Variants in CEP112 observed in about 807,000 individuals in gnomAD.
The protein encoded by CEP112 is centrosomal protein 112.
A neutral mutation model predicts 153.0 loss-of-function variants in CEP112; 127 were observed. The ratio of observed to expected loss-of-function variants is 0.83; its 90% CI spans 0.72 to 0.96. The LOEUF is 0.96. Ranked by LOEUF, CEP112 falls within the 40% of genes least tolerant of loss-of-function variation. The pLI is 0.00. For missense variants in CEP112, 1,089 were observed against 1,101.2 expected (o/e 0.99, Z 0.16); for synonymous variants, 358 against 374.4 (o/e 0.96, Z 0.51).
At chr17:65,937,595 C>T (rs1162606952) in intron 18 of CEP112, among the ~76,000 whole-genome samples, 1 of 109,102 alleles carries the variant, frequency 9.2e-6, no homozygotes, top group African/African-American at 3.1e-5. Flanking sequence ...ACCCGGCCAG[C>T]CGCCCCGTCC....
At chr17:66,142,033 A>G (rs2070722824) in intron 4 of CEP112, among the ~76,000 whole-genome samples, 1 of 152,208 alleles carries the variant, frequency 6.6e-6, no homozygotes, top group Admixed American at 6.5e-5. Flanking sequence ...CAAATCCTGG[A>G]CAACACTTGA....
At chr17:65,919,305 T>C (rs1275490348) in intron 19 of CEP112, among the ~76,000 whole-genome samples, 1 of 152,162 alleles carries the variant, frequency 6.6e-6, no homozygotes, top group East Asian at 1.9e-4. Flanking sequence ...AGGAAGCATG[T>C]ACGCAGCCTC....
At chr17:65,668,273 T>G (rs1366236276) in intron 24 of CEP112, among the ~76,000 whole-genome samples, 1 of 152,130 alleles carries the variant, frequency 6.6e-6, no homozygotes, top group Non-Finnish European at 1.5e-5. Context: ...GTTTATTTTG[T>G]TTTTGGCTTG....
At chr17:65,892,219 G>A (rs2059492961) in intron 20 of CEP112, among the ~76,000 whole-genome samples, 1 of 152,154 alleles carries the variant, frequency 6.6e-6, no homozygotes, top group African/African-American at 2.4e-5. Context: ...CCGGCACAGG[G>A]TAAGCACTCC....
intron 9 of CEP112, among the ~76,000 whole-genome samples, chr17:66,069,629 T>TA (rs2067240119): frequency 6.6e-6 from 1 of 152,010 alleles, no homozygotes; most frequent in Non-Finnish European, 1.5e-5. Flanking sequence ...AGAATGCAGA[T>TA]AAAAGACTAT....
intron 2 of CEP112, among the ~76,000 whole-genome samples, chr17:66,181,761 AC>A (rs1231349753): frequency 6.6e-6 from 1 of 152,222 alleles, no homozygotes; most frequent in East Asian, 1.9e-4. Flanking sequence ...CAAATCTAAG[AC>A]AAAAAGAAAA....
chr17:65,640,740 A>C (rs1437958822), intron 25 of CEP112, among the ~76,000 whole-genome samples: 1 of 152,162 alleles, frequency 6.6e-6, no homozygotes, highest in Non-Finnish European at 1.5e-5. Context: ...AACTGACTGA[A>C]CTTTTCAATT....
intron 20 of CEP112, among the ~76,000 whole-genome samples, chr17:65,856,106 T>C (rs1016616979): frequency 1.3e-5 from 2 of 152,076 alleles, no homozygotes; most frequent in African/African-American, 2.4e-5. Flanking sequence ...ATATACTTAA[T>C]ATACTGAAAA....
At chr17:65,697,944 C>T (rs540145335) in intron 23 of CEP112, among the ~76,000 whole-genome samples, 7 of 152,266 alleles carry the variant, frequency 4.6e-5, no homozygotes, top group South Asian at 2.1e-4. Flanking sequence ...GCATTCACAA[C>T]GCAACTGTAT....
At chr17:65,751,579 T>C (rs529797457) in intron 21 of CEP112, among the ~76,000 whole-genome samples, 1 of 152,316 alleles carries the variant, frequency 6.6e-6, no homozygotes, top group African/African-American at 2.4e-5. Flanking sequence ...TACGTCTGTT[T>C]CTCTCCCTGA....
chr17:65,980,271 A>T (rs1345796213), intron 17 of CEP112, among the ~76,000 whole-genome samples: 1 of 152,240 alleles, frequency 6.6e-6, no homozygotes, highest in Non-Finnish European at 1.5e-5. Flanking sequence ...TTGAGGATTC[A>T]GGCTTTAACA....
intron 21 of CEP112, among the ~76,000 whole-genome samples, chr17:65,787,142 G>A (rs1344514827): frequency 6.6e-6 from 1 of 152,156 alleles, no homozygotes; most frequent in Non-Finnish European, 1.5e-5. Context: ...GTGGTAGGAG[G>A]GAAATACTTT....
intron 23 of CEP112, among the ~76,000 whole-genome samples, chr17:65,703,643 A>G (rs1436676324): frequency 6.7e-6 from 1 of 149,208 alleles, no homozygotes; most frequent in African/African-American, 2.5e-5. Flanking sequence ...TTTGCCACCA[A>G]TGGGCCCAGC....
chr17:65,896,661 A>AT (rs1157833138), intron 20 of CEP112, among the ~76,000 whole-genome samples: 1 of 152,016 alleles, frequency 6.6e-6, no homozygotes, highest in East Asian at 1.9e-4. Flanking sequence ...TATGCTGAGA[A>AT]TTTTTGCCCC....
At chr17:65,977,812 C>T (rs1355419761) in intron 17 of CEP112, among the ~76,000 whole-genome samples, 1 of 152,158 alleles carries the variant, frequency 6.6e-6, no homozygotes, top group Non-Finnish European at 1.5e-5. Flanking sequence ...CGGTGGCTCA[C>T]ACCTGTAATC....
chr17:66,128,126 A>AC (rs1414612847), intron 6 of CEP112, among the ~76,000 whole-genome samples: 1 of 151,604 alleles, frequency 6.6e-6, no homozygotes, highest in African/African-American at 2.4e-5. Context: ...ACATGGTGAA[A>AC]CCCCCGTCTC....
At chr17:65,840,977 G>A (rs1221591574) in intron 21 of CEP112, among the ~76,000 whole-genome samples, 1 of 151,954 alleles carries the variant, frequency 6.6e-6, no homozygotes, top group African/African-American at 2.4e-5. Context: ...ACTTAAAACT[G>A]CTATTATCAA....
At chr17:66,008,176 T>C (rs2145476741) in intron 16 of CEP112, among the ~76,000 whole-genome samples, 1 of 152,304 alleles carries the variant, frequency 6.6e-6, no homozygotes, top group South Asian at 2.1e-4. Context: ...TGTGAAGTTT[T>C]GATATATGTA....
At chr17:65,934,934 C>T (rs1177075651) in intron 18 of CEP112, among the ~76,000 whole-genome samples, 1 of 152,136 alleles carries the variant, frequency 6.6e-6, no homozygotes, top group Non-Finnish European at 1.5e-5. Context: ...GGCAACAGGA[C>T]AGAGTGAGTA....
Sources: gnomAD v4.1 joint callset for allele counts (sites outside exome capture counted in the v4.1 genomes callset) on GRCh38, gnomAD v4.1.1 for gene constraint, MANE v1.5 for transcripts, NCBI Gene and HGNC (gene_info 2026-07-23, HGNC 2026-07-21) for gene names.